Variants in PTK2 observed in about 807,000 individuals in gnomAD.
PTK2 encodes protein tyrosine kinase 2, also known as focal adhesion kinase 1.
In PTK2, 45 loss-of-function variants were observed where a neutral mutation model predicts 150.1. The ratio of observed to expected loss-of-function variants is 0.30; its 90% confidence interval spans 0.24 to 0.38. The LOEUF is 0.38. PTK2 is among the 10% of genes least tolerant of loss of function. PTK2 has a pLI of 1.00. For missense variants in PTK2, 919 were observed against 1,307.3 expected, an observed-to-expected ratio of 0.70 and a Z score of 4.58; for synonymous variants, 432 against 449.2, an observed-to-expected ratio of 0.96 and a Z score of 0.48.
upstream of PTK2, chr8:141,001,335 T>C (rs306956): frequency 0.97 from 142,963 of 148,066 alleles, 69,198 homozygotes; most frequent in East Asian, 1. Context: ...GAGGCGCGCG[T>C]CCTCTCTCGG....
At chr8:140,947,088 C>T (rs1244614737) in intron 1 of PTK2, among the ~76,000 whole-genome samples, 1 of 152,312 alleles carries the variant, frequency 6.6e-6, no homozygotes, top group Admixed American at 6.5e-5. Context: ...TTCGTACATT[C>T]TAATTTAACT....
chr8:140,718,873 GC>G (rs1411801930), intron 22 of PTK2: 1 of 152,166 alleles, frequency 6.6e-6, no homozygotes, highest in Non-Finnish European at 1.5e-5. Context: ...GGGAATGTCT[GC>G]CTCAAGAAAT....
intron 2 of PTK2, among the ~76,000 whole-genome samples, chr8:140,896,975 A>G (rs1396877215): frequency 6.6e-6 from 1 of 152,234 alleles, no homozygotes; most frequent in Non-Finnish European, 1.5e-5. Flanking sequence ...AACAACAACT[A>G]TACTTCTGAT....
intron 8 of PTK2, among the ~76,000 whole-genome samples, chr8:140,830,212 T>C (rs1004595771): frequency 2.6e-5 from 4 of 152,232 alleles, no homozygotes; most frequent in African/African-American, 9.6e-5. Context: ...CAGGAATAAC[T>C]GTGCACATAA....
At chr8:140,966,181 G>T (rs533974036) in intron 1 of PTK2, among the ~76,000 whole-genome samples, 31 of 152,158 alleles carry the variant, frequency 2.0e-4, no homozygotes, top group African/African-American at 7.2e-4. Context: ...TCTACTTTTT[G>T]TTCACCATTG....
intron 10 of PTK2, among the ~76,000 whole-genome samples, chr8:140,812,552 A>T (rs2100102221): frequency 6.6e-6 from 1 of 152,240 alleles, no homozygotes; most frequent in Non-Finnish European, 1.5e-5. Flanking sequence ...CTAACCTTGA[A>T]TGTTAATGGG....
Position 140,855,464 on chromosome 8 carries a change from G to T in PTK2, c.451-8786C>A, listed in dbSNP as rs1243321788. 3.9e-5 allele frequency among the ~76,000 whole-genome samples: 6 copies of T among 151,992 alleles called. 1 individual carries two copies. The highest frequency in any genetic ancestry group is 3.9e-4 in the Admixed American group (6 of 15,256). On this transcript the variant is annotated intron_variant, in intron 5 of 31. Transcript: ENST00000522684. ...CAAAAAATTAGCCAGGTATGGTGGC[G>T]GGCGACTGTAGTCCCAGCTACTCAG...
chr8:140,758,898 T>C (rs1360696420), intron 16 of PTK2, among the ~76,000 whole-genome samples: 2 of 152,200 alleles, frequency 1.3e-5, no homozygotes, highest in Non-Finnish European at 2.9e-5. Flanking sequence ...TTTTATACTT[T>C]ATACTGTATT....
intron 1 of PTK2, among the ~76,000 whole-genome samples, chr8:140,964,554 T>A (rs1012348083): frequency 9.5e-4 from 132 of 139,544 alleles, no homozygotes; most frequent in Non-Finnish European, 1.6e-3. Flanking sequence ...GTAATTTTTT[T>A]TTTTTTTTTT....
chr8:140,758,163 C>CTTATT (rs1268492448), intron 16 of PTK2, among the ~76,000 whole-genome samples: 1 of 152,116 alleles, frequency 6.6e-6, no homozygotes, highest in African/African-American at 2.4e-5. Flanking sequence ...GTGAACAAGA[C>CTTATT]TTATTGCAGC....
upstream of PTK2, among the ~76,000 whole-genome samples, chr8:141,001,708 G>A (rs1196333727): frequency 6.6e-6 from 1 of 152,168 alleles, no homozygotes; most frequent in East Asian, 1.9e-4. Flanking sequence ...GAGCGGCCCT[G>A]CGGCCCCGCC....
chr8:140,952,953 C>G (rs894968242), intron 1 of PTK2, among the ~76,000 whole-genome samples: 2 of 152,192 alleles, frequency 1.3e-5, no homozygotes, highest in African/African-American at 4.8e-5. Context: ...TCATTGCTAA[C>G]AATTTTGAGT....
intron 1 of PTK2, among the ~76,000 whole-genome samples, chr8:140,939,789 T>G (rs2100175007): frequency 6.6e-6 from 1 of 152,246 alleles, no homozygotes; most frequent in African/African-American, 2.4e-5. Flanking sequence ...TATTTTGATA[T>G]TTGTCCTGCT....
intron 1 of PTK2, among the ~76,000 whole-genome samples, chr8:140,963,564 C>T (rs1397470904): frequency 6.6e-6 from 1 of 152,220 alleles, no homozygotes; most frequent in African/African-American, 2.4e-5. Context: ...GATCTACTTT[C>T]TTTATTACAG....
At position 140,758,948 on chromosome 8, in the gene PTK2, T is replaced by C. The variant is rs372501991; in HGVS notation, c.1332+2217A>G. Among the ~76,000 whole-genome samples the C allele has an allele frequency of 3.7e-4, 56 of 152,328 alleles. 2 individuals carry two copies. Among genetic ancestry groups the C allele is most frequent in the South Asian group, 2.3e-3 (11 of 4,824 alleles). ...TCTATATTTAGATATGCAAATACCATGTGCTACAACTGCCCACAGTATTCA... is the reference window on the plus strand; with the variant it reads ...TCTATATTTAGATATGCAAATACCACGTGCTACAACTGCCCACAGTATTCA... On this transcript the variant is annotated intron_variant, in intron 16 of 31. Transcript: ENST00000522684.
intron 26 of PTK2, among the ~76,000 whole-genome samples, chr8:140,697,848 TA>T (rs2100027686): frequency 7.1e-6 from 1 of 140,372 alleles, no homozygotes; most frequent in African/African-American, 2.6e-5. Flanking sequence ...CTTTAGGGTT[TA>T]CTGTTTTTTT....
intron 1 of PTK2, among the ~76,000 whole-genome samples, chr8:140,966,246 C>T (rs1184539311): frequency 2.0e-5 from 3 of 152,112 alleles, no homozygotes; most frequent in Admixed American, 6.5e-5. Flanking sequence ...GCATGATTAT[C>T]GATAAACATT....
chr8:140,803,755 T>C (rs2100096677), intron 10 of PTK2, 105 bp from the exon 11 acceptor site: 1 of 1,039,830 alleles, frequency 9.6e-7, no homozygotes. Flanking sequence ...ACATCCTCCC[T>C]AAGACTGGAG....
At chr8:140,870,379 T>C (rs1380159759) in intron 4 of PTK2, among the ~76,000 whole-genome samples, 1 of 152,110 alleles carries the variant, frequency 6.6e-6, no homozygotes, top group Non-Finnish European at 1.5e-5. Context: ...AAAATGACCA[T>C]TTATAGTAAA....
Sources: allele counts gnomAD v4.1 joint callset (sites outside exome capture counted in the v4.1 genomes callset), GRCh38; gene constraint gnomAD v4.1.1; transcripts MANE v1.5; gene names NCBI Gene and HGNC (gene_info 2026-07-23, HGNC 2026-07-21).